ACCSL: variants seen among roughly 807,000 people sequenced by gnomAD.
The protein encoded by ACCSL is 1-aminocyclopropane-1-carboxylate synthase homolog (inactive) like.
In ACCSL, 55 loss-of-function variants were observed where a neutral mutation model predicts 61.7. That is an observed-to-expected ratio of 0.89 (90% CI 0.72 to 1.12). The LOEUF (loss-of-function observed/expected upper bound fraction) is 1.12, where lower values mean the gene tolerates loss of function less well. ACCSL is among the 50% of genes most tolerant of loss of function. The probability of loss-of-function intolerance (pLI) is 0.00; values close to 1 mark genes in which losing one functional copy is unlikely to be tolerated. For synonymous variants in ACCSL, 258 were observed against 264.3 expected (o/e 0.98, Z 0.23); for missense variants, 632 against 698.0 (o/e 0.91, Z 1.07).
At chr11:44,046,776 G>C (rs1350055096), upstream of ACCSL, among the ~76,000 whole-genome samples, 1 of 152,162 alleles carries the variant, frequency 6.6e-6, no homozygotes, top group Non-Finnish European at 1.5e-5. Flanking sequence ...TTGATATCTT[G>C]GGATATAAGG....
At chr11:44,035,307 A>G in the ACCSL span, among the ~76,000 whole-genome samples, 1 of 152,036 alleles carries the variant, frequency 6.6e-6, no homozygotes, top group African/African-American at 2.4e-5. Flanking sequence ...CACCTAGAGC[A>G]GTGTCTAGCA....
At chr11:43,947,012 G>A in the ACCSL span, 1 of 152,352 alleles carries the variant, frequency 6.6e-6, no homozygotes, top group South Asian at 2.1e-4. Flanking sequence ...GAATATCTGA[G>A]CTAGGTAATT....
chr11:43,978,786 T>G, the ACCSL span, among the ~76,000 whole-genome samples: 1 of 57,744 alleles, frequency 1.7e-5, no homozygotes, highest in African/African-American at 9.7e-5. Context: ...AAGGTGGGTT[T>G]TTTTTTTTTT....
chr11:43,972,095 T>C, the ACCSL span, among the ~76,000 whole-genome samples: 1 of 152,058 alleles, frequency 6.6e-6, no homozygotes, highest in Non-Finnish European at 1.5e-5. Flanking sequence ...ACTCAATAAA[T>C]ACTTGTCAAC....
the ACCSL span, among the ~76,000 whole-genome samples, chr11:43,951,249 C>T: frequency 6.6e-6 from 1 of 152,202 alleles, no homozygotes; most frequent in Non-Finnish European, 1.5e-5. Context: ...GCAAAAGCCA[C>T]CTGCCTTTAT....
At chr11:43,974,416 A>G in the ACCSL span, among the ~76,000 whole-genome samples, 1 of 152,198 alleles carries the variant, frequency 6.6e-6, no homozygotes, top group Non-Finnish European at 1.5e-5. Flanking sequence ...TTCTCTTAAG[A>G]CATTTGTCAT....
the ACCSL span, among the ~76,000 whole-genome samples, chr11:43,991,674 G>A: frequency 6.6e-6 from 1 of 152,052 alleles, no homozygotes; most frequent in East Asian, 1.9e-4. Flanking sequence ...GGTGCCTGTA[G>A]TCCCAGCTAC....
chr11:43,924,497 G>A, the ACCSL span, among the ~76,000 whole-genome samples: 3 of 152,232 alleles, frequency 2.0e-5, no homozygotes, highest in Non-Finnish European at 4.4e-5. Flanking sequence ...GCTGCTCCCC[G>A]CAGGAAGGAC....
the ACCSL span, chr11:43,943,387 G>T: frequency 7.2e-7 from 1 of 1,393,946 alleles, no homozygotes; most frequent in Non-Finnish European, 9.3e-7. This position sits in a 1 kb window ranked among gnomAD's most constrained non-coding sequence, Gnocchi z 4.8. Flanking sequence ...ACCCGGGACC[G>T]CCGCTCCTCG....
chr11:44,027,373 C>T, the ACCSL span, among the ~76,000 whole-genome samples: 37 of 152,278 alleles, frequency 2.4e-4, no homozygotes, highest in African/African-American at 7.9e-4. Flanking sequence ...TTTTCATAGC[C>T]GCCTATAGAA....
At chr11:44,051,529 G>A in intron 4 of ACCSL, 124 bp from the exon 5 acceptor site, 2 of 1,533,044 alleles carry the variant, frequency 1.3e-6, no homozygotes, top group Non-Finnish European at 1.8e-6. Context: ...CAGCATGAAG[G>A]CCAATGTGTC....
At chr11:43,992,054 C>CTTTTTTTT in the ACCSL span, among the ~76,000 whole-genome samples, 2 of 114,144 alleles carry the variant, frequency 1.8e-5, no homozygotes, top group Admixed American at 9.7e-5. Context: ...TTCTTTCTTT[C>CTTTTTTTT]TTTTTTTTTT....
chr11:44,047,379 A>C (rs1296348590), upstream of ACCSL, among the ~76,000 whole-genome samples: 1 of 152,248 alleles, frequency 6.6e-6, no homozygotes, highest in African/African-American at 2.4e-5. Context: ...GATGTTCTTC[A>C]ACAGGGCTTG....
chr11:43,938,029 G>C, the ACCSL span, among the ~76,000 whole-genome samples: 1 of 152,166 alleles, frequency 6.6e-6, no homozygotes, highest in African/African-American at 2.4e-5. Flanking sequence ...AATCGAGTGA[G>C]GCAGAAGTTG....
the ACCSL span, chr11:43,943,500 T>C: frequency 7.3e-7 from 1 of 1,369,586 alleles, no homozygotes; most frequent in African/African-American, 1.5e-5. The surrounding 1 kb of genome is among the most constrained non-coding windows in gnomAD (Gnocchi z 4.8). Context: ...CTCGTCCTTG[T>C]AAATGTTTAT....
chr11:43,927,101 TA>T, the ACCSL span, among the ~76,000 whole-genome samples: 1 of 152,272 alleles, frequency 6.6e-6, no homozygotes, highest in Non-Finnish European at 1.5e-5. Flanking sequence ...ATGTGCTTTT[TA>T]AAAGAAAAAA....
chr11:44,052,966 T>G, intron 6 of ACCSL, 25 bp from the exon 7 acceptor site: 2 of 1,604,094 alleles, frequency 1.2e-6, no homozygotes, highest in Non-Finnish European at 1.7e-6. Flanking sequence ...TAAGAGACAC[T>G]TCTCACATAG....
At chr11:44,005,474 A>G in the ACCSL span, among the ~76,000 whole-genome samples, 1 of 151,986 alleles carries the variant, frequency 6.6e-6, no homozygotes, top group South Asian at 2.1e-4. Flanking sequence ...TTGCTCCTCG[A>G]CTCAGGGGCT....
chr11:43,996,277 T>C, the ACCSL span, among the ~76,000 whole-genome samples: 2 of 152,194 alleles, frequency 1.3e-5, no homozygotes, highest in African/African-American at 4.8e-5. Flanking sequence ...GAAAACACCA[T>C]AGATGGCTCT....
Sources: allele counts gnomAD v4.1 joint callset (sites outside exome capture counted in the v4.1 genomes callset), GRCh38; gene constraint gnomAD v4.1.1; non-coding constraint Gnocchi (gnomAD v3.1); transcripts MANE v1.5; gene names NCBI Gene and HGNC (gene_info 2026-07-23, HGNC 2026-07-21).